GNA12: variants seen among roughly 807,000 people sequenced by gnomAD.
GNA12 encodes guanine nucleotide-binding protein subunit alpha-12.
Under a neutral mutation model 26.0 loss-of-function variants are expected in GNA12, and 9 were observed. That is an observed-to-expected ratio of 0.35 (90% CI 0.21 to 0.60). The LOEUF is 0.60. Ranked by LOEUF, GNA12 falls within the 20% of genes least tolerant of loss-of-function variation. GNA12 has a pLI of 0.78. For synonymous variants in GNA12, 264 were observed against 219.6 expected, an observed-to-expected ratio of 1.20 and a Z score of -1.79; for missense variants, 405 against 525.8, an observed-to-expected ratio of 0.77 and a Z score of 2.25.
intron 1 of GNA12, among the ~76,000 whole-genome samples, chr7:2,832,912 C>G (rs1778717619): frequency 6.6e-6 from 1 of 152,176 alleles, no homozygotes; most frequent in Non-Finnish European, 1.5e-5. Flanking sequence ...AGCAGACGTT[C>G]CAAATGCATT....
chr7:2,774,030 C>T (rs957573663), intron 2 of GNA12, among the ~76,000 whole-genome samples: 7 of 152,116 alleles, frequency 4.6e-5, no homozygotes, highest in African/African-American at 1.7e-4. Flanking sequence ...CGTGTGAGGC[C>T]ACAGATGAAG....
chr7:2,773,068 T>A (rs1238979235), intron 2 of GNA12, among the ~76,000 whole-genome samples: 1 of 152,122 alleles, frequency 6.6e-6, no homozygotes, highest in Non-Finnish European at 1.5e-5. Flanking sequence ...AAAACACTAA[T>A]CTACAGTGAT....
intron 1 of GNA12, among the ~76,000 whole-genome samples, chr7:2,831,867 T>C (rs963157760): frequency 2.0e-5 from 3 of 152,218 alleles, no homozygotes; most frequent in Non-Finnish European, 2.9e-5. Context: ...GAACCAGCTA[T>C]TCCCTCTTAC....
chr7:2,814,896 G>T (rs1440527419), intron 1 of GNA12: 13 of 1,601,994 alleles, frequency 8.1e-6, no homozygotes, highest in Non-Finnish European at 1.1e-5. Context: ...AGGCATCCTT[G>T]CTAGGCACGG....
chr7:2,838,350 AGGATG>A (rs1778897621), intron 1 of GNA12, among the ~76,000 whole-genome samples: 1 of 152,070 alleles, frequency 6.6e-6, no homozygotes, highest in Non-Finnish European at 1.5e-5. Flanking sequence ...CTGAGGCAGG[AGGATG>A]GCTTTGAGGC....
intron 1 of GNA12, among the ~76,000 whole-genome samples, chr7:2,807,975 T>C (rs1562439288): frequency 6.6e-6 from 1 of 152,224 alleles, no homozygotes; most frequent in Non-Finnish European, 1.5e-5. Context: ...TAGGTGAAAG[T>C]ACCACAAGCT....
chr7:2,808,582 G>A (rs893282085), intron 1 of GNA12, among the ~76,000 whole-genome samples: 3 of 152,212 alleles, frequency 2.0e-5, no homozygotes, highest in African/African-American at 7.2e-5. Flanking sequence ...GCAGCTAGGG[G>A]AGATGCACCA....
At chr7:2,773,883 G>A (rs1562421176) in intron 2 of GNA12, among the ~76,000 whole-genome samples, 1 of 152,186 alleles carries the variant, frequency 6.6e-6, no homozygotes, top group Non-Finnish European at 1.5e-5. Context: ...ATCACCAGGA[G>A]GGCAGGGAAC....
At chr7:2,760,140 C>T (rs1791488604) in intron 2 of GNA12, among the ~76,000 whole-genome samples, 2 of 152,380 alleles carry the variant, frequency 1.3e-5, no homozygotes, top group South Asian at 2.1e-4. Context: ...GAGAGCCCCA[C>T]GTGATGGACG....
rs372248862 is a variant in GNA12 at position 2,752,983 on chromosome 7, C to T, written c.526-19482G>A. 5.4e-4 allele frequency among the ~76,000 whole-genome samples: 83 copies of T among 152,298 alleles called. No individual in the cohort carries two copies. The South Asian group carries it at 7.2e-3, about 13-fold the overall frequency. On this transcript the variant is annotated intron_variant, in intron 2 of 3. Transcript: ENST00000275364. ...ACTGTCCCACCACAACGGTCTCCCT[C>T]GTGCTACCAATTTATAATCACAGCC...
intron 2 of GNA12, among the ~76,000 whole-genome samples, chr7:2,735,201 G>A (rs1038002595): frequency 4.6e-5 from 7 of 152,186 alleles, no homozygotes; most frequent in Admixed American, 3.9e-4. Context: ...CTCGGGAGGT[G>A]CCACGCAAGC....
chr7:2,737,414 G>A (rs140992846), intron 2 of GNA12, among the ~76,000 whole-genome samples: 33 of 149,968 alleles, frequency 2.2e-4, no homozygotes, highest in Middle Eastern at 3.5e-3. Flanking sequence ...TCAGCCTACA[G>A]AGTAGTTGGG....
chr7:2,767,962 C>G (rs1454659620), intron 2 of GNA12, among the ~76,000 whole-genome samples: 1 of 152,242 alleles, frequency 6.6e-6, no homozygotes, highest in African/African-American at 2.4e-5. Flanking sequence ...TCAAGCAATT[C>G]TCCTGTCTCA....
rs1263287933 is a variant in GNA12 at position 2,731,996 on chromosome 7, G to A, written c.577-246C>T. 6.6e-6 allele frequency among the ~76,000 whole-genome samples: 1 copy of A among 152,178 alleles called. No homozygotes were observed. Among genetic ancestry groups the A allele is most frequent in the Admixed American group, 6.5e-5 (1 of 15,270 alleles). On this transcript the variant is annotated intron_variant, in intron 3 of 3. Transcript: ENST00000275364. The surrounding 1 kb of genome is among the most constrained non-coding windows in gnomAD (Gnocchi z 6.0). ...AGGACGAATGCTCAGAACACTCGTG[G>A]GCAGGCCCAGCGCAAAACCACATCC...
At chr7:2,836,854 G>A (rs924563583) in intron 1 of GNA12, among the ~76,000 whole-genome samples, 1 of 152,144 alleles carries the variant, frequency 6.6e-6, no homozygotes, top group Non-Finnish European at 1.5e-5. Context: ...AACCTGGGTG[G>A]CGGAGGTTGC....
intron 2 of GNA12, among the ~76,000 whole-genome samples, chr7:2,765,615 GTT>G (rs555000709): frequency 0.024 from 3,517 of 145,952 alleles, 102 homozygotes; most frequent in Middle Eastern, 0.079. Context: ...TCCTGTGTTT[GTT>G]TTTTTTTTTC....
At chr7:2,747,867 T>C (rs200949640) in intron 2 of GNA12, among the ~76,000 whole-genome samples, 1 of 152,090 alleles carries the variant, frequency 6.6e-6, no homozygotes. Context: ...TATACACCAA[T>C]AACAGACAAA....
chr7:2,758,778 A>ATCT (rs1232347699), intron 2 of GNA12, among the ~76,000 whole-genome samples: 1 of 152,198 alleles, frequency 6.6e-6, no homozygotes, highest in Non-Finnish European at 1.5e-5. Flanking sequence ...GTGGATAATC[A>ATCT]AGTGCAGTTT....
At chr7:2,818,842 G>A (rs1177411686) in intron 1 of GNA12, among the ~76,000 whole-genome samples, 3 of 151,146 alleles carry the variant, frequency 2.0e-5, no homozygotes, top group Non-Finnish European at 4.4e-5. Context: ...TTCGCTTGCC[G>A]TTTTCACTTA....
Sources: gnomAD v4.1 joint callset for allele counts (sites outside exome capture counted in the v4.1 genomes callset) on GRCh38, gnomAD v4.1.1 for gene constraint, Gnocchi (gnomAD v3.1) non-coding constraint, MANE v1.5 for transcripts, NCBI Gene and HGNC (gene_info 2026-07-23, HGNC 2026-07-21) for gene names.